Variants in YAF2 observed in about 807,000 individuals in gnomAD.
The protein encoded by YAF2 is YY1 associated factor 2, also known as YY1-associated factor 2.
YAF2 carries 7 observed loss-of-function variants against 20.1 expected under a neutral mutation model. That is an observed-to-expected ratio of 0.35 (90% CI 0.20 to 0.65). The LOEUF is 0.65. Among genes scored for constraint, YAF2 ranks in the 30% least tolerant of loss-of-function variants. The pLI is 0.69. For synonymous variants in YAF2, 74 were observed against 76.0 expected (o/e 0.97, Z 0.14); for missense variants, 151 against 219.2 (o/e 0.69, Z 1.96).
At chr12:42,172,690 A>G (rs1410887127) in intron 2 of YAF2, among the ~76,000 whole-genome samples, 2 of 152,222 alleles carry the variant, frequency 1.3e-5, no homozygotes, top group East Asian at 3.8e-4. Flanking sequence ...GTGTACATGA[A>G]TGTTCACAGA....
intron 2 of YAF2, among the ~76,000 whole-genome samples, chr12:42,219,486 C>G (rs1486371338): frequency 6.6e-6 from 1 of 152,116 alleles, no homozygotes; most frequent in Non-Finnish European, 1.5e-5. Context: ...CATGAGAGTT[C>G]ATTAAGCTCA....
intron 3 of YAF2, chr12:42,161,367 A>T (rs920571922): frequency 1.7e-5 from 6 of 348,404 alleles, no homozygotes; most frequent in African/African-American, 6.5e-5. Flanking sequence ...AACAAAACAA[A>T]TCCAGACACA....
intron 2 of YAF2, among the ~76,000 whole-genome samples, chr12:42,228,049 G>T (rs1416756410): frequency 9.2e-6 from 1 of 109,004 alleles, no homozygotes; most frequent in Non-Finnish European, 1.9e-5. Flanking sequence ...CCGGCCAGCC[G>T]CCCCGTCTGG....
chr12:42,221,514 G>A (rs1190337709), intron 2 of YAF2, among the ~76,000 whole-genome samples: 3 of 152,074 alleles, frequency 2.0e-5, no homozygotes, highest in Non-Finnish European at 4.4e-5. Flanking sequence ...AGCTATGATC[G>A]CACCACTGCA....
intron 2 of YAF2, chr12:42,210,315 G>A (rs1490428472): frequency 7.2e-7 from 1 of 1,390,494 alleles, no homozygotes; most frequent in Non-Finnish European, 9.6e-7. Flanking sequence ...AAATTTGGGG[G>A]GAAAAAAAAT....
chr12:42,220,814 A>G (rs1157900283), intron 2 of YAF2, among the ~76,000 whole-genome samples: 1 of 152,240 alleles, frequency 6.6e-6, no homozygotes, highest in African/African-American at 2.4e-5. Flanking sequence ...TACAAACTTT[A>G]CACCATACAC....
At chr12:42,233,396 G>C (rs1289806137) in intron 2 of YAF2, 1 of 983,846 alleles carries the variant, frequency 1.0e-6, no homozygotes, top group African/African-American at 1.8e-5. Context: ...TTAAGTAACT[G>C]TCCACTACTA....
chr12:42,220,851 A>C (rs2067491366), intron 2 of YAF2, among the ~76,000 whole-genome samples: 2 of 152,192 alleles, frequency 1.3e-5, no homozygotes, highest in South Asian at 4.1e-4. Flanking sequence ...ACACATTCAC[A>C]TATTATCAAA....
rs926795672 is a variant in YAF2, at chr12:42,236,061, G to C, written c.152+1538C>G. 7 of 1,518,148 alleles carry C rather than the reference G, an allele frequency of 4.6e-6. No individual in the cohort carries two copies. In the African/African-American group the frequency reaches 5.6e-5, roughly 12 times the overall value. The allele number at this position is 1,518,148 out of a possible 1,614,324, so 94.0% of individuals were successfully genotyped here. A position where few individuals can be genotyped will look rare whatever the true frequency, so the allele number is the denominator to read the frequency against. ...TTTCTAATGGCTACAAGAAAATAGA[G>C]AGGGAACAACAAAAAGCAATAATAT... is the stretch of plus-strand genomic sequence containing the variant. On this transcript the variant is annotated intron_variant, in intron 2 of 3. Transcript: ENST00000534854.
chr12:42,192,001 C>A (rs1466640683), intron 2 of YAF2, among the ~76,000 whole-genome samples: 1 of 151,584 alleles, frequency 6.6e-6, no homozygotes, highest in Non-Finnish European at 1.5e-5. Context: ...AAGATCGTGC[C>A]TCTGCACTCC....
intron 2 of YAF2, among the ~76,000 whole-genome samples, chr12:42,170,951 G>C (rs1339614729): frequency 1.3e-5 from 2 of 152,144 alleles, no homozygotes; most frequent in African/African-American, 4.8e-5. Context: ...GGAAGTGGGA[G>C]AGAGCACTAG....
chr12:42,177,530 T>C (rs1418350286), intron 2 of YAF2, among the ~76,000 whole-genome samples: 1 of 152,174 alleles, frequency 6.6e-6, no homozygotes, highest in African/African-American at 2.4e-5. Context: ...CCTACTGGAT[T>C]AGGACTCCAC....
intron 2 of YAF2, among the ~76,000 whole-genome samples, chr12:42,169,614 T>C (rs552505860): frequency 2.0e-5 from 3 of 152,206 alleles, no homozygotes; most frequent in African/African-American, 7.2e-5. Flanking sequence ...GGTTTCACCA[T>C]GTTGCCCAGG....
intron 2 of YAF2, among the ~76,000 whole-genome samples, chr12:42,173,870 G>A (rs2066113603): frequency 6.6e-6 from 1 of 152,124 alleles, no homozygotes; most frequent in Non-Finnish European, 1.5e-5. Context: ...ACAGAGAAAA[G>A]AGAAGCTATT....
intron 2 of YAF2, among the ~76,000 whole-genome samples, chr12:42,195,987 C>T (rs942179723): frequency 8.6e-5 from 13 of 151,412 alleles, no homozygotes; most frequent in African/African-American, 3.2e-4. Context: ...TTTGGGAGGC[C>T]GAGGTGGGTG....
At chr12:42,168,433 C>T (rs867791694) in intron 2 of YAF2, among the ~76,000 whole-genome samples, 3 of 152,026 alleles carry the variant, frequency 2.0e-5, no homozygotes, top group Non-Finnish European at 2.9e-5. Context: ...CCACCTGCCT[C>T]GGCCTACCAA....
chr12:42,164,258 AG>A (rs1355310169), intron 2 of YAF2, among the ~76,000 whole-genome samples: 1 of 152,222 alleles, frequency 6.6e-6, no homozygotes, highest in African/African-American at 2.4e-5. Flanking sequence ...CCCAAATAGA[AG>A]GTATAAGTTT....
intron 2 of YAF2, among the ~76,000 whole-genome samples, chr12:42,190,774 TTACA>T (rs1430660007): frequency 6.6e-6 from 1 of 152,126 alleles, no homozygotes; most frequent in Non-Finnish European, 1.5e-5. Context: ...GACAATAATT[TTACA>T]TTTTTAAATT....
At position 42,233,522 on chromosome 12, in the gene YAF2, GTTTT is replaced by G. The variant is rs750202078; in HGVS notation, c.152+4073_152+4076del. The G allele has an allele frequency of 8.2e-6, 8 of 973,676 alleles. No homozygotes were observed. The African/African-American group carries it at 1.4e-4, about 17-fold the overall frequency. 60.3% of individuals were successfully genotyped at this position (973,676 alleles called of 1,614,324 possible). On this transcript the variant is annotated intron_variant, in intron 2 of 3. Coordinates refer to ENST00000534854, the MANE Select transcript of YAF2 (RefSeq NM_005748.6). ...ATTTTCTCTGATGACTCAGAATTTT[GTTTT>G]TTTGAGACAAGGTCTCACTCTGTTG...
Sources: gnomAD v4.1 joint callset for allele counts (sites outside exome capture counted in the v4.1 genomes callset) on GRCh38, gnomAD v4.1.1 for gene constraint, MANE v1.5 for transcripts, NCBI Gene and HGNC (gene_info 2026-07-23, HGNC 2026-07-21) for gene names.